The following PTPRQ variants were observed in gnomAD, a reference collection of about 807,000 sequenced individuals.
PTPRQ encodes the protein phosphatidylinositol phosphatase PTPRQ.
Under a neutral mutation model 246.0 loss-of-function variants are expected in PTPRQ, and 199 were observed. The ratio of observed to expected loss-of-function variants is 0.81; its 90% CI spans 0.72 to 0.91. The LOEUF (loss-of-function observed/expected upper bound fraction) is 0.91. PTPRQ is among the 40% of genes least tolerant of loss of function. The pLI is 0.00. For synonymous variants in PTPRQ, 869 were observed against 853.2 expected (o/e 1.02, Z -0.32); for missense variants, 2,624 against 2,528.4 (o/e 1.04, Z -0.81).
chr12:80,465,870 C>A (rs1171867977), intron 6 of PTPRQ, among the ~76,000 whole-genome samples: 1 of 152,244 alleles, frequency 6.6e-6, no homozygotes, highest in East Asian at 1.9e-4. Context: ...ATAATAAGAG[C>A]TATCTATGAC....
At chr12:80,451,110 G>A (rs923163567) in intron 3 of PTPRQ, among the ~76,000 whole-genome samples, 1 of 152,064 alleles carries the variant, frequency 6.6e-6, no homozygotes, top group Non-Finnish European at 1.5e-5. Context: ...GTCTTGGGAG[G>A]GTGTATGTGT....
At chr12:80,551,029 T>G (rs1896459844) in intron 25 of PTPRQ, among the ~76,000 whole-genome samples, 1 of 152,136 alleles carries the variant, frequency 6.6e-6, no homozygotes, top group African/African-American at 2.4e-5. Flanking sequence ...ATCTAGCTGT[T>G]CATTTTCATT....
chr12:80,605,290 AT>A lies in PTPRQ; in HGVS notation c.4731+112del. ...TTTGGCTCTGTTAGACAGTAGGAAA[AT>A]TACTTTACTTGTTTGTGTTTCAATG... is the stretch of plus-strand genomic sequence containing the variant. On this transcript the variant is annotated intron_variant, in intron 27 of 44. Coordinates refer to ENST00000644991, the MANE Select transcript of PTPRQ (RefSeq NM_001145026.2). 2.2e-6 allele frequency: 3 copies of A among 1,338,202 alleles called. No homozygotes were observed. In the South Asian group the frequency reaches 4.6e-5, roughly 20 times the overall value. 82.9% of individuals were successfully genotyped at this position (1,338,202 alleles called of 1,614,324 possible).
chr12:80,519,308 G>A (rs1007602259), intron 17 of PTPRQ, among the ~76,000 whole-genome samples: 5 of 152,152 alleles, frequency 3.3e-5, no homozygotes, highest in Admixed American at 6.6e-5. Flanking sequence ...TTTTTGAAAT[G>A]CAGAACACTG....
chr12:80,597,525 T>C (rs535869388), intron 26 of PTPRQ, among the ~76,000 whole-genome samples: 1 of 152,128 alleles, frequency 6.6e-6, no homozygotes, highest in African/African-American at 2.4e-5. Flanking sequence ...GATACATGTT[T>C]CCATGTTGAT....
intron 23 of PTPRQ, among the ~76,000 whole-genome samples, chr12:80,544,096 T>C (rs1896233753): frequency 6.6e-6 from 1 of 152,144 alleles, no homozygotes; most frequent in Non-Finnish European, 1.5e-5. Context: ...TCTCTTAGCA[T>C]AGCGGTGAAG....
chr12:80,630,554 T>C (rs1217088763), intron 33 of PTPRQ, among the ~76,000 whole-genome samples: 1 of 152,204 alleles, frequency 6.6e-6, no homozygotes, highest in East Asian at 1.9e-4. Flanking sequence ...TGATCCTTCA[T>C]TGGAAAGTTG....
intron 14 of PTPRQ, among the ~76,000 whole-genome samples, chr12:80,504,322 G>T (rs1234722441): frequency 6.6e-6 from 1 of 151,380 alleles, no homozygotes; most frequent in African/African-American, 2.4e-5. Context: ...TAGTTATTTT[G>T]TTCTGTTCCA....
At chr12:80,545,940 C>A (rs1225316620) in intron 23 of PTPRQ, among the ~76,000 whole-genome samples, 1 of 151,872 alleles carries the variant, frequency 6.6e-6, no homozygotes, top group East Asian at 1.9e-4. Context: ...ATTTAAATTG[C>A]AGACTGTAAT....
At chr12:80,487,317 G>A (rs753125861) in intron 9 of PTPRQ, among the ~76,000 whole-genome samples, 1 of 152,114 alleles carries the variant, frequency 6.6e-6, no homozygotes, top group Admixed American at 6.6e-5. Context: ...TCTTGGGACA[G>A]TGATAGTGAC....
chr12:80,546,774 A>T, intron 24 of PTPRQ, 77 bp downstream of exon 24: 3 of 1,478,064 alleles, frequency 2.0e-6, no homozygotes, highest in Non-Finnish European at 1.8e-6. Flanking sequence ...AGTTTATATG[A>T]TAAAGTATCA....
rs1222320272 is a variant in PTPRQ, at chr12:80,613,625, A to G, written c.4952A>G (p.Gln1651Arg). ...PKDPPNNMTF[Q>R]KIPDEVTKFQ... ...GACCCACCTAACAACATGACATTTC[A>G]GAAGATACCAGATGAAGTTACAAAA... is the stretch of plus-strand genomic sequence containing the variant. Residue 1651 changes from glutamine to arginine, a missense_variant, in exon 29 of 45, where the codon CAG becomes CGG. Coordinates refer to ENST00000644991, the MANE Select transcript of PTPRQ (RefSeq NM_001145026.2). 10 of 1,545,148 alleles carry G rather than the reference A, an allele frequency of 6.5e-6. No individual in the cohort carries two copies. The South Asian group carries it at 1.1e-4, about 17-fold the overall frequency.
At chr12:80,668,625 AT>A (rs1480172975) in intron 39 of PTPRQ, among the ~76,000 whole-genome samples, 1 of 151,924 alleles carries the variant, frequency 6.6e-6, no homozygotes, top group Non-Finnish European at 1.5e-5. Context: ...ATCTTCATCT[AT>A]AAAATGAGCA....
At chr12:80,498,349 C>T (rs1987344) in intron 14 of PTPRQ, among the ~76,000 whole-genome samples, 38,138 of 151,956 alleles carry the variant, frequency 0.25, 5,483 homozygotes, top group African/African-American at 0.39. Flanking sequence ...GTTATCTTCA[C>T]AGAAAACTAA....
At chr12:80,597,339 G>A (rs761550669) in intron 26 of PTPRQ, among the ~76,000 whole-genome samples, 1 of 151,964 alleles carries the variant, frequency 6.6e-6, no homozygotes, top group Non-Finnish European at 1.5e-5. Context: ...CCAATGCAGA[G>A]CTTCATGGTA....
chr12:80,588,548 C>T (rs1897692532), intron 26 of PTPRQ, 96 bp downstream of exon 26: 3 of 1,235,960 alleles, frequency 2.4e-6, no homozygotes, highest in South Asian at 6.9e-5. Context: ...TGTGTAAAAT[C>T]ACTGAACATA....
Position 80,646,800 on chromosome 12 carries a change from G to T in PTPRQ, c.5916-2097G>T, listed in dbSNP as rs1375197657. ...AGATTTTAAATGCAAAATGAATTAAGAATAGTGAAACAGCAACTTTTGGTA... is the reference window on the plus strand; with the variant it reads ...AGATTTTAAATGCAAAATGAATTAATAATAGTGAAACAGCAACTTTTGGTA... On this transcript the variant is annotated intron_variant, in intron 35 of 44. Transcript: ENST00000644991. Among the ~76,000 whole-genome samples the T allele has an allele frequency of 7.2e-5, 11 of 152,048 alleles. No homozygotes were observed. The East Asian group carries it at 1.7e-3, about 24-fold the overall frequency.
intron 35 of PTPRQ, among the ~76,000 whole-genome samples, chr12:80,635,934 C>G (rs1021428022): frequency 6.6e-6 from 1 of 152,078 alleles, no homozygotes; most frequent in African/African-American, 2.4e-5. Context: ...CATCAAATGT[C>G]TTGGACTCAA....
intron 25 of PTPRQ, among the ~76,000 whole-genome samples, chr12:80,569,765 T>C (rs1162068248): frequency 2.1e-5 from 3 of 145,478 alleles, no homozygotes; most frequent in Admixed American, 6.9e-5. Context: ...GGCCCCAGTG[T>C]GTGATATTCC....
Sources: gnomAD v4.1 joint callset for allele counts (sites outside exome capture counted in the v4.1 genomes callset) on GRCh38, gnomAD v4.1.1 for gene constraint, MANE v1.5 for transcripts, NCBI Gene and HGNC (gene_info 2026-07-23, HGNC 2026-07-21) for gene names.